The following CSGALNACT1 variants were observed in gnomAD, a reference collection of about 807,000 sequenced individuals.
CSGALNACT1 encodes the protein beta4GalNAcT-1.
CSGALNACT1 carries 52 observed loss-of-function variants against 51.0 expected under a neutral mutation model. That is an observed-to-expected ratio of 1.02 (90% CI 0.82 to 1.29). The LOEUF is 1.29. CSGALNACT1 is among the 50% of genes most tolerant of loss of function. CSGALNACT1 has a pLI of 0.00. For synonymous variants in CSGALNACT1, 341 were observed against 254.4 expected (o/e 1.34, Z -3.24); for missense variants, 935 against 679.2 (o/e 1.38, Z -4.19).
chr8:19,679,197 T>C (rs1212275653), intron 1 of CSGALNACT1, among the ~76,000 whole-genome samples: 1 of 152,122 alleles, frequency 6.6e-6, no homozygotes, highest in Admixed American at 6.5e-5. Context: ...TCACACCTCT[T>C]ATCCCAGCAC....
chr8:19,712,173 G>C (rs921535179), intron 1 of CSGALNACT1, among the ~76,000 whole-genome samples: 1 of 152,096 alleles, frequency 6.6e-6, no homozygotes, highest in African/African-American at 2.4e-5. Context: ...CTACAGGTTC[G>C]CGCCGCCACG....
chr8:19,655,157 A>G (rs2058148427), intron 1 of CSGALNACT1, among the ~76,000 whole-genome samples: 1 of 152,108 alleles, frequency 6.6e-6, no homozygotes. Context: ...AATGGTGCAA[A>G]GATTTTCCTC....
chr8:19,436,406 G>C (rs984136362), intron 6 of CSGALNACT1, among the ~76,000 whole-genome samples: 3 of 152,158 alleles, frequency 2.0e-5, no homozygotes, highest in Non-Finnish European at 4.4e-5. Flanking sequence ...ATCACAGCCT[G>C]AGTAACGACC....
intron 3 of CSGALNACT1, chr8:19,585,035 C>T (rs754555886): frequency 2.0e-5 from 3 of 152,168 alleles, no homozygotes; most frequent in Non-Finnish European, 4.4e-5. Context: ...CTCCCTGAAC[C>T]GCTGGGTCTC....
chr8:19,573,264 T>C (rs542969058), intron 3 of CSGALNACT1, among the ~76,000 whole-genome samples: 1 of 152,192 alleles, frequency 6.6e-6, no homozygotes, highest in Admixed American at 6.5e-5. Context: ...AACCAGAATG[T>C]TGAACAAGCA....
At chr8:19,697,198 G>T (rs1425253223) in intron 1 of CSGALNACT1, among the ~76,000 whole-genome samples, 10 of 152,128 alleles carry the variant, frequency 6.6e-5, no homozygotes, top group African/African-American at 2.4e-4. Flanking sequence ...GCAATGGAGA[G>T]AGATGACCAC....
At chr8:19,528,490 C>A (rs1443469330) in intron 3 of CSGALNACT1, among the ~76,000 whole-genome samples, 3 of 152,128 alleles carry the variant, frequency 2.0e-5, no homozygotes, top group Admixed American at 2.0e-4. Flanking sequence ...CCAAACACCC[C>A]CTTTTCTTGG....
chr8:19,709,145 C>A (rs1473425991), intron 1 of CSGALNACT1, among the ~76,000 whole-genome samples: 1 of 152,182 alleles, frequency 6.6e-6, no homozygotes, highest in Non-Finnish European at 1.5e-5. Flanking sequence ...GAACGAGCTG[C>A]CAGCCTGTGT....
intron 1 of CSGALNACT1, among the ~76,000 whole-genome samples, chr8:19,712,187 G>C (rs368713509): frequency 6.6e-6 from 1 of 152,034 alleles, no homozygotes; most frequent in African/African-American, 2.4e-5. Flanking sequence ...CGCCACGCCC[G>C]GCTAATTTTT....
intron 6 of CSGALNACT1, among the ~76,000 whole-genome samples, chr8:19,421,829 G>A (rs1415904513): frequency 6.6e-6 from 1 of 152,164 alleles, no homozygotes. Flanking sequence ...GGATCAGTGA[G>A]CCCATGTCAG....
chr8:19,536,335 T>TA (rs1273998932), intron 3 of CSGALNACT1, among the ~76,000 whole-genome samples: 7 of 110,774 alleles, frequency 6.3e-5, no homozygotes, highest in African/African-American at 2.4e-4. Context: ...CAAAATTTTG[T>TA]AAAAAATGTT....
At chr8:19,718,082 A>G (rs1378646381) in intron 1 of CSGALNACT1, among the ~76,000 whole-genome samples, 4 of 152,122 alleles carry the variant, frequency 2.6e-5, no homozygotes, top group African/African-American at 9.7e-5. Context: ...GATACCTAAA[A>G]GGTCCAAAGC....
intron 1 of CSGALNACT1, among the ~76,000 whole-genome samples, chr8:19,714,654 T>C (rs1366450385): frequency 1.3e-5 from 2 of 152,200 alleles, no homozygotes; most frequent in Non-Finnish European, 2.9e-5. Context: ...TTAGAGCCTT[T>C]AGCTTATTAA....
intron 3 of CSGALNACT1, among the ~76,000 whole-genome samples, chr8:19,573,604 C>T (rs987406030): frequency 1.3e-5 from 2 of 152,116 alleles, no homozygotes; most frequent in South Asian, 2.1e-4. Flanking sequence ...TCACCACATC[C>T]AGGTAATTTT....
chr8:19,600,822 GT>G (rs1328530945), intron 2 of CSGALNACT1, among the ~76,000 whole-genome samples: 2 of 144,586 alleles, frequency 1.4e-5, no homozygotes, highest in Non-Finnish European at 3.0e-5. Flanking sequence ...TGTGACAAAA[GT>G]TTTTGGAAAA....
At chr8:19,706,432 G>A (rs1347407341) in intron 1 of CSGALNACT1, among the ~76,000 whole-genome samples, 1 of 152,150 alleles carries the variant, frequency 6.6e-6, no homozygotes, top group East Asian at 1.9e-4. Flanking sequence ...AGCCACGGCA[G>A]CCCATGAGGT....
intron 7 of CSGALNACT1, 87 bp downstream of exon 6, chr8:19,420,253 A>G (rs976207593): frequency 4.2e-6 from 5 of 1,193,480 alleles, no homozygotes; most frequent in Admixed American, 1.7e-5. Flanking sequence ...GAAGCAGGAC[A>G]TCAGAGTGAC....
chr8:19,695,074 T>C (rs17090744), intron 1 of CSGALNACT1, among the ~76,000 whole-genome samples: 7,305 of 152,250 alleles, frequency 0.048, 604 homozygotes, highest in African/African-American at 0.17. Context: ...GAGATTCTAG[T>C]ATTTGAACAG....
At chr8:19,696,258 A>G (rs570812643) in intron 1 of CSGALNACT1, among the ~76,000 whole-genome samples, 1 of 152,326 alleles carries the variant, frequency 6.6e-6, no homozygotes, top group South Asian at 2.1e-4. Flanking sequence ...ATTTTATGCA[A>G]TTTGCCTCAA....
Sources: allele counts gnomAD v4.1 joint callset (sites outside exome capture counted in the v4.1 genomes callset), GRCh38; gene constraint gnomAD v4.1.1; transcripts MANE v1.5; gene names NCBI Gene and HGNC (gene_info 2026-07-23, HGNC 2026-07-21).